Variants in PLCXD1 observed in about 807,000 individuals in gnomAD.
PLCXD1 encodes the protein PI-PLC X domain-containing protein 1.
PLCXD1 carries 45 observed loss-of-function variants against 37.8 expected under a neutral mutation model. That is an observed-to-expected ratio of 1.19 (90% CI 0.94 to 1.53). The LOEUF is 1.53. PLCXD1 is among the 40% of genes most tolerant of loss of function. The pLI, the probability that PLCXD1 is intolerant of heterozygous loss-of-function variation, is 0.00. For missense variants in PLCXD1, 539 were observed against 454.7 expected, an observed-to-expected ratio of 1.19 and a Z score of -1.69; for synonymous variants, 246 against 206.9, an observed-to-expected ratio of 1.19 and a Z score of -1.62.
upstream of PLCXD1, among the ~76,000 whole-genome samples, chrX:277,079 C>T (rs1284931620): frequency 6.6e-6 from 1 of 152,134 alleles, no homozygotes; most frequent in African/African-American, 2.4e-5. Flanking sequence ...GGGACGGCCT[C>T]CAGACCCCAC....
chrX:291,964 G>A (rs1399567954), intron 5 of PLCXD1, among the ~76,000 whole-genome samples: 11 of 151,844 alleles, frequency 7.2e-5, no homozygotes, highest in South Asian at 2.1e-4. Context: ...TCAAGAGATC[G>A]AGACTATCCT....
chrX:277,108 C>A (rs965698140), upstream of PLCXD1, among the ~76,000 whole-genome samples: 50 of 152,208 alleles, frequency 3.3e-4, no homozygotes, highest in African/African-American at 1.2e-3. Flanking sequence ...GCCGTCCGGA[C>A]GAGATGGCAG....
intron 6 of PLCXD1, among the ~76,000 whole-genome samples, chrX:298,708 A>G (rs1161801523): frequency 5.3e-5 from 3 of 57,006 alleles, no homozygotes; most frequent in Non-Finnish European, 9.5e-5. Flanking sequence ...CATGGGGATC[A>G]GGACGTGGAC....
At chrX:289,003 C>G in intron 3 of PLCXD1, 134 bp downstream of exon 3, 4 of 805,700 alleles carry the variant, frequency 5.0e-6, no homozygotes, top group South Asian at 1.6e-5. Context: ...AGGTTCCTAT[C>G]CCAGCTGCGG....
intron 5 of PLCXD1, among the ~76,000 whole-genome samples, chrX:292,403 G>C (rs1320648996): frequency 6.6e-6 from 1 of 151,982 alleles, no homozygotes; most frequent in East Asian, 1.9e-4. Context: ...AGGTTGCAGT[G>C]AGCCGAGATC....
At chrX:285,331 CAT>C (rs1569564417) in intron 2 of PLCXD1, among the ~76,000 whole-genome samples, 1 of 147,472 alleles carries the variant, frequency 6.8e-6, no homozygotes, top group Non-Finnish European at 1.5e-5. Flanking sequence ...GGTGTGTACA[CAT>C]GCACATGCAC....
Position 288,729 on chromosome X carries a change from T to G in PLCXD1, c.128-4T>G, listed in dbSNP as rs751570236. The G allele has an allele frequency of 3.1e-6, 5 of 1,613,854 alleles. No individual in the cohort carries two copies. The highest frequency in any genetic ancestry group is 4.2e-6 in the Non-Finnish European group (5 of 1,179,810). On this transcript the variant is annotated splice_region_variant and splice_polypyrimidine_tract_variant and intron_variant, in intron 2 of 6. Coordinates refer to ENST00000381657, the MANE Select transcript of PLCXD1 (RefSeq NM_018390.4). ...ACATGTCCGCGTGTGTGCTTTGCTC[T>G]CAGGGAGCCACGACACGATGACGTA...
At chrX:282,997 A>G (rs192531340) in intron 1 of PLCXD1, among the ~76,000 whole-genome samples, 20 of 146,458 alleles carry the variant, frequency 1.4e-4, no homozygotes, top group Non-Finnish European at 2.5e-4. Context: ...TATTATATGT[A>G]TATATTATAT....
chrX:285,748 C>T (rs980102515), intron 2 of PLCXD1, among the ~76,000 whole-genome samples: 9 of 152,162 alleles, frequency 5.9e-5, no homozygotes, highest in African/African-American at 2.2e-4. Flanking sequence ...CATACGGACA[C>T]ACATACACAT....
At chrX:295,618 G>A (rs1223763258) in intron 6 of PLCXD1, among the ~76,000 whole-genome samples, 4 of 151,538 alleles carry the variant, frequency 2.6e-5, no homozygotes, top group Admixed American at 6.6e-5. Flanking sequence ...TCCGTCTCCC[G>A]GGTTCAAGCC....
intron 3 of PLCXD1, 46 bp downstream of exon 3, chrX:288,915 G>C (rs779168057): frequency 6.3e-7 from 1 of 1,592,520 alleles, no homozygotes; most frequent in Non-Finnish European, 8.6e-7. Context: ...TCAGCTATGT[G>C]GGGCCCACGG....
At chrX:276,547 G>A (rs1006207707), upstream of PLCXD1, among the ~76,000 whole-genome samples, 2 of 152,158 alleles carry the variant, frequency 1.3e-5, no homozygotes, top group African/African-American at 4.8e-5. Flanking sequence ...CTGGGGGCAC[G>A]GGCAGGGGGT....
chrX:291,141 T>C (rs1333246338), intron 4 of PLCXD1, among the ~76,000 whole-genome samples: 3 of 150,906 alleles, frequency 2.0e-5, no homozygotes, highest in Non-Finnish European at 4.4e-5. Flanking sequence ...GGAGATTTCT[T>C]TTTTTTTTGC....
At chrX:279,369 AG>A (rs2069214680), upstream of PLCXD1, among the ~76,000 whole-genome samples, 1 of 152,206 alleles carries the variant, frequency 6.6e-6, no homozygotes, top group East Asian at 1.9e-4. Context: ...TTCGGCTCAG[AG>A]GCCTGACAGG....
intron 4 of PLCXD1, 99 bp from the exon 5 acceptor site, chrX:291,400 C>T (rs964021971): frequency 7.3e-7 from 1 of 1,368,872 alleles, no homozygotes; most frequent in Non-Finnish European, 1.0e-6. Flanking sequence ...CCCGCCTCGG[C>T]CTCCCAAATT....
In PLCXD1 at chrX:283,874, CTCTCT is replaced by C. The variant is rs997843107; in HGVS notation, c.-21-291_-21-287del. 4.7e-4 allele frequency: 95 copies of C among 201,752 alleles called. 1 individual carries two copies. The highest frequency in any genetic ancestry group is 2.4e-4 in the South Asian group (3 of 12,670). 12.5% of individuals were successfully genotyped at this position (201,752 alleles called of 1,614,324 possible). ...CAAGGACCCCTTTTCCTCTCTCTCT[CTCTCT>C]TTTTTTTTTTTCTTTTTTGGATATG... is the stretch of plus-strand genomic sequence containing the variant. On this transcript the variant is annotated intron_variant, in intron 1 of 6. Coordinates refer to ENST00000381657, the MANE Select transcript of PLCXD1 (RefSeq NM_018390.4).
intron 2 of PLCXD1, among the ~76,000 whole-genome samples, chrX:288,436 T>A (rs2069525166): frequency 6.6e-6 from 1 of 152,110 alleles, no homozygotes; most frequent in African/African-American, 2.4e-5. Flanking sequence ...TCTGTGTCTG[T>A]CTCCTCCTCT....
rs1221627111 is a variant in PLCXD1, at chrX:299,713, T to C, written c.*378T>C. On this transcript the variant is annotated 3_prime_UTR_variant, in exon 7 of 7. Coordinates refer to ENST00000381657, the MANE Select transcript of PLCXD1 (RefSeq NM_018390.4). Reference sequence around the variant, plus strand: ...TGGAGGTTGCATTGAGCTGACATCGTGCCACTGCACTCCAGTCTGAATGAT... The same window carrying C: ...TGGAGGTTGCATTGAGCTGACATCGCGCCACTGCACTCCAGTCTGAATGAT... The C allele has an allele frequency of 6.2e-6, 2 of 325,134 alleles. No homozygotes were observed. The highest frequency in any genetic ancestry group is 3.7e-5 in the South Asian group (1 of 27,368). The allele number at this position is 325,134 out of a possible 1,614,324, so 20.1% of individuals were successfully genotyped here. A position where few individuals can be genotyped will look rare whatever the true frequency, so the allele number is the denominator to read the frequency against.
Position 287,432 on chromosome X carries a change from GAT to G in PLCXD1, c.128-1293_128-1292del, listed in dbSNP as rs1006568860. Among the ~76,000 whole-genome samples the G allele has an allele frequency of 6.4e-4, 88 of 137,232 alleles. 2 individuals are homozygous for G. The highest frequency in any genetic ancestry group is 2.3e-3 in the African/African-American group (84 of 37,030). 90.0% of individuals were successfully genotyped at this position (137,232 alleles called of 152,430 possible). ...ATATACTAATATATGTTTATATATA[GAT>G]ATATATACACTATATATGTTTATAT... On this transcript the variant is annotated intron_variant, in intron 2 of 6. Transcript: ENST00000381657.
Sources: gnomAD v4.1 joint callset for allele counts (sites outside exome capture counted in the v4.1 genomes callset) on GRCh38, gnomAD v4.1.1 for gene constraint, MANE v1.5 for transcripts, NCBI Gene and HGNC (gene_info 2026-07-23, HGNC 2026-07-21) for gene names.